The following CPEB1 variants were observed in gnomAD, a reference collection of about 807,000 sequenced individuals.
CPEB1 encodes the protein cytoplasmic polyadenylation element binding protein 1, also known as cytoplasmic polyadenylation element-binding protein 1.
CPEB1 carries 7 observed loss-of-function variants against 65.8 expected under a neutral mutation model. That is an observed-to-expected ratio of 0.11 (90% confidence interval 0.06 to 0.20). The LOEUF is 0.20. CPEB1 is among the 10% of genes least tolerant of loss of function. CPEB1 has a pLI of 1.00. For missense variants in CPEB1, 551 were observed against 712.2 expected (o/e 0.77, Z 2.58); for synonymous variants, 262 against 260.0 (o/e 1.01, Z -0.08).
chr15:82,628,645 T>G (rs2045975100), intron 1 of CPEB1, 89 bp from the exon 2 acceptor site: 1 of 587,492 alleles, frequency 1.7e-6, no homozygotes, highest in African/African-American at 1.9e-5. Flanking sequence ...AAATTATTTC[T>G]GTAAAGTTAC....
chr15:82,627,512 T>C, intron 2 of CPEB1, 145 bp from the exon 3 acceptor site: 1 of 599,136 alleles, frequency 1.7e-6, no homozygotes, highest in Non-Finnish European at 2.7e-6. Context: ...TACTATGAGC[T>C]AAGTACTCGG....
Position 82,555,856 on chromosome 15 carries a change from C to G in CPEB1, c.940+14G>C. 6.2e-7 allele frequency: 1 copy of G among 1,605,560 alleles called. No individual in the cohort carries two copies. Among genetic ancestry groups the G allele is most frequent in the Non-Finnish European group, 8.5e-7 (1 of 1,177,450 alleles). On this transcript the variant is annotated intron_variant, in intron 6 of 12. Transcript: ENST00000684509. ...TGAGGCCTCAGGCCTCACACATGCTCAAGGCACACTCACCTGCAGCTTGTC... is the reference window on the plus strand; with the variant it reads ...TGAGGCCTCAGGCCTCACACATGCTGAAGGCACACTCACCTGCAGCTTGTC...
At chr15:82,585,958 A>G (rs783540) in intron 3 of CPEB1, among the ~76,000 whole-genome samples, 61,292 of 151,496 alleles carry the variant, frequency 0.4, 12,423 homozygotes, top group South Asian at 0.49. Flanking sequence ...CAACCAGGAT[A>G]TAAGTGAAGA....
At chr15:82,625,858 C>G (rs1469393108) in intron 3 of CPEB1, among the ~76,000 whole-genome samples, 1 of 152,194 alleles carries the variant, frequency 6.6e-6, no homozygotes, top group Non-Finnish European at 1.5e-5. Flanking sequence ...GTGGCTCGTG[C>G]CTGTAATCCC....
chr15:82,562,111 A>AGAGACTGGAT (rs2038322449), intron 4 of CPEB1: 1 of 431,832 alleles, frequency 2.3e-6, no homozygotes, highest in Admixed American at 2.8e-5. Flanking sequence ...AATGAGTGAC[A>AGAGACTGGAT]GAGACTGGAT....
At chr15:82,584,184 G>A (rs1418081634) in intron 3 of CPEB1, among the ~76,000 whole-genome samples, 2 of 149,082 alleles carry the variant, frequency 1.3e-5, no homozygotes, top group East Asian at 2.0e-4. Context: ...GCATGAACCC[G>A]GCAGGCAGAG....
chr15:82,549,807 C>T (rs1268722182), intron 9 of CPEB1, 149 bp from the exon 10 acceptor site: 6 of 721,796 alleles, frequency 8.3e-6, no homozygotes, highest in African/African-American at 3.5e-5. Context: ...CTCAGGCACA[C>T]AGGCGTCCAA....
rs901937633 is a variant in CPEB1 at position 82,543,571 on chromosome 15, T to C, written c.*1021A>G. 3 of 149,944 alleles carry C rather than the reference T, an allele frequency of 2.0e-5. No homozygotes were observed. The highest frequency in any genetic ancestry group is 3.0e-5 in the Non-Finnish European group (2 of 67,780). The allele number at this position is 149,944 out of a possible 1,614,324, so 9.3% of individuals were successfully genotyped here. The stretch of plus-strand genomic sequence containing the variant: ...TCTCATACATTCCTCAAATTAAAGA[T>C]ATAAGGGAAGGGTACTTGCCCCCTC... On this transcript the variant is annotated 3_prime_UTR_variant, in exon 13 of 13. Coordinates refer to ENST00000684509, the MANE Select transcript of CPEB1 (RefSeq NM_001365242.1).
intron 3 of CPEB1, among the ~76,000 whole-genome samples, chr15:82,608,123 A>T (rs2151226955): frequency 6.6e-6 from 1 of 152,394 alleles, no homozygotes; most frequent in African/African-American, 2.4e-5. Flanking sequence ...CATGCAGGTT[A>T]GCCTAGATTC....
chr15:82,602,910 G>A (rs1468816878), intron 3 of CPEB1, among the ~76,000 whole-genome samples: 3 of 146,584 alleles, frequency 2.0e-5, no homozygotes, highest in East Asian at 3.9e-4. Context: ...GTGAAATGGC[G>A]AATAAGGACC....
upstream of CPEB1, chr15:82,648,017 G>T: frequency 1.8e-6 from 1 of 570,102 alleles, no homozygotes; most frequent in Admixed American, 4.5e-5. Context: ...GCCGCTCCTC[G>T]GAGCCGCCCC....
At position 82,552,477 on chromosome 15, in the gene CPEB1, C is replaced by G; in HGVS notation, c.1281+3G>C. ...ATCCAGAAAGGACATCACGCTAACT[C>G]ACCTCCTTGCAGCGCATCCTTCGGC... On this transcript the variant is annotated splice_donor_region_variant and intron_variant, in intron 9 of 12. Transcript: ENST00000684509. The G allele has an allele frequency of 6.4e-7, 1 of 1,563,646 alleles. No homozygotes were observed. The highest frequency in any genetic ancestry group is 1.2e-5 in the South Asian group (1 of 81,510).
intron 3 of CPEB1, among the ~76,000 whole-genome samples, chr15:82,578,230 T>C (rs1466706269): frequency 6.6e-6 from 1 of 152,224 alleles, no homozygotes; most frequent in East Asian, 1.9e-4. Context: ...TATGACTAGG[T>C]AAAACGTCTT....
chr15:82,632,340 A>G (rs1037947548), intron 1 of CPEB1, among the ~76,000 whole-genome samples: 1 of 152,082 alleles, frequency 6.6e-6, no homozygotes, highest in African/African-American at 2.4e-5. Context: ...ATTTTATACA[A>G]TATTTTTAGT....
intron 3 of CPEB1, among the ~76,000 whole-genome samples, chr15:82,611,583 C>T (rs1254477460): frequency 6.6e-6 from 1 of 151,334 alleles, no homozygotes; most frequent in South Asian, 2.1e-4. Context: ...ATAGCAAGAC[C>T]CCATCTCTAC....
intron 1 of CPEB1, chr15:82,640,774 G>C (rs1012804863): frequency 5.0e-4 from 76 of 152,150 alleles, no homozygotes; most frequent in African/African-American, 1.8e-3. Context: ...GCTTCTATAG[G>C]AACACATGGG....
chr15:82,578,893 G>T (rs2040941729), intron 3 of CPEB1, among the ~76,000 whole-genome samples: 1 of 152,068 alleles, frequency 6.6e-6, no homozygotes, highest in Non-Finnish European at 1.5e-5. Flanking sequence ...GCAAAATCTT[G>T]GCTTACTACA....
At chr15:82,613,663 T>C (rs1158117258) in intron 3 of CPEB1, among the ~76,000 whole-genome samples, 2 of 152,192 alleles carry the variant, frequency 1.3e-5, no homozygotes, top group Non-Finnish European at 2.9e-5. Context: ...TCCTGCAGAT[T>C]TTCTTTTTTT....
intron 3 of CPEB1, chr15:82,572,019 G>C: frequency 4.7e-6 from 1 of 212,016 alleles, no homozygotes; most frequent in Non-Finnish European, 8.2e-6. Context: ...CAGCCCTCAC[G>C]CACGACTGAA....
Sources: allele counts gnomAD v4.1 joint callset (sites outside exome capture counted in the v4.1 genomes callset), GRCh38; gene constraint gnomAD v4.1.1; transcripts MANE v1.5; gene names NCBI Gene and HGNC (gene_info 2026-07-23, HGNC 2026-07-21).